The following CHGB variants were observed in gnomAD, a reference collection of about 807,000 sequenced individuals.
The protein encoded by CHGB is chromogranin B, also known as secretogranin-1.
CHGB carries 46 observed loss-of-function variants against 69.9 expected under a neutral mutation model. The ratio of observed to expected loss-of-function variants is 0.66; its 90% confidence interval spans 0.52 to 0.84. The LOEUF is 0.84. CHGB is among the 40% of genes least tolerant of loss of function. The pLI is 0.00. For missense variants in CHGB, 796 were observed against 822.2 expected, an observed-to-expected ratio of 0.97 and a Z score of 0.39; for synonymous variants, 312 against 298.2, an observed-to-expected ratio of 1.05 and a Z score of -0.48.
At chr20:5,916,730 C>T in intron 2 of CHGB, 96 bp from the exon 3 acceptor site, 2 of 1,076,270 alleles carry the variant, frequency 1.9e-6, no homozygotes, top group Non-Finnish European at 1.4e-6. Context: ...CAGCCCAGGT[C>T]ACGTAATCAA....
Position 5,922,848 on chromosome 20 carries a change from G to T in CHGB, c.704G>T (p.Ser235Ile). Residue 235 changes from serine (S) to isoleucine (I), a missense_variant, in exon 4 of 5, where the codon AGT becomes ATT. Ser to Ile is a moderately radical substitution (Grantham distance 142). Coordinates refer to ENST00000378961, the MANE Select transcript of CHGB (RefSeq NM_001819.3). Reference protein sequence around the residue: ...SQEKTHSREKSSQESGEETGS... With the variant: ...SQEKTHSREKISQESGEETGS... ...GAGAAGACACATAGCCGAGAGAAGA[G>T]TAGCCAGGAGAGTGGAGAGGAGACA... The T allele has an allele frequency of 4.3e-6, 7 of 1,614,082 alleles. No homozygotes were observed. Among genetic ancestry groups the T allele is most frequent in the Non-Finnish European group, 5.1e-6 (6 of 1,180,000 alleles).
At position 5,925,040 on chromosome 20, in the gene CHGB, A is replaced by G. The variant is rs1479521653; in HGVS notation, c.2025A>G (p.Gln675=). ...AGAAGATAGCTGAGAAATTCAGCCA[A>G]AGGGGCTGACTGTCATTGGAGCGGT... ...ELQKIAEKFS[Q]RG Residue 675 remains glutamine, a synonymous_variant, in exon 5 of 5, where the codon CAA becomes CAG. Coordinates refer to ENST00000378961, the MANE Select transcript of CHGB (RefSeq NM_001819.3). 6.2e-7 allele frequency: 1 copy of G among 1,610,574 alleles called. No individual in the cohort carries two copies.
intron 3 of CHGB, among the ~76,000 whole-genome samples, chr20:5,918,442 A>G (rs188029590): frequency 9.2e-4 from 140 of 152,268 alleles, no homozygotes; most frequent in Middle Eastern, 3.4e-3. Flanking sequence ...TCTCGCTGCC[A>G]GACAAGACTC....
intron 3 of CHGB, among the ~76,000 whole-genome samples, chr20:5,918,148 T>TAAAAAAAAAAAAA (rs10647882): frequency 1.2e-5 from 1 of 86,084 alleles, no homozygotes; most frequent in African/African-American, 4.9e-5. Context: ...AGACTCCATC[T>TAAAAAAAAAAAAA]AAAAAAAAAA....
At chr20:5,915,967 C>A in intron 1 of CHGB, 1 of 165,542 alleles carries the variant, frequency 6.0e-6, no homozygotes. Flanking sequence ...CCAGCCTTGG[C>A]CTCCCAAAGT....
At position 5,923,187 on chromosome 20, in the gene CHGB, A is replaced by C. The variant is rs766960351; in HGVS notation, c.1043A>C (p.Tyr348Ser). The change falls in exon 4 of 5, where the codon TAT becomes TCT. Residue 348 changes from tyrosine (Y) to serine (S), a missense_variant. Coordinates refer to ENST00000378961, the MANE Select transcript of CHGB (RefSeq NM_001819.3). ...EPEYGEEIKG[Y>S]PGVQAPEDLE... ...GAATATGGAGAAGAAATAAAGGGTT[A>C]TCCAGGCGTCCAGGCCCCTGAGGAC... is the stretch of plus-strand genomic sequence containing the variant. The C allele has an allele frequency of 1.5e-5, 25 of 1,613,968 alleles. No homozygotes were observed. Among genetic ancestry groups the C allele is most frequent in the Admixed American group, 1.0e-4 (6 of 60,018 alleles).
intron 1 of CHGB, chr20:5,915,756 C>T (rs145924646): frequency 0.019 from 2,859 of 152,150 alleles, 91 homozygotes; most frequent in African/African-American, 0.066. Context: ...GGAGTCTGGC[C>T]CTGTCACCCA....
Position 5,923,569 on chromosome 20 carries a change from T to C in CHGB, c.1425T>C (p.Gly475=). ...KELDRNYLNY[G]EEGAPGKWQQ... ...TGGACAGAAATTATCTCAACTACGGTGAGGAAGGAGCCCCAGGGAAGTGGC... is the reference window on the plus strand; with the variant it reads ...TGGACAGAAATTATCTCAACTACGGCGAGGAAGGAGCCCCAGGGAAGTGGC... Residue 475 remains glycine, a synonymous_variant, in exon 4 of 5, where the codon GGT becomes GGC. Transcript: ENST00000378961. 6.2e-7 allele frequency: 1 copy of C among 1,613,848 alleles called. No individual in the cohort carries two copies. The highest frequency in any genetic ancestry group is 1.7e-5 in the Admixed American group (1 of 59,998).
intron 3 of CHGB, among the ~76,000 whole-genome samples, chr20:5,920,971 AT>A (rs2088510438): frequency 6.6e-6 from 1 of 152,368 alleles, no homozygotes; most frequent in South Asian, 2.1e-4. Flanking sequence ...TTTTGCAAAT[AT>A]CATTTCAAAA....
Position 5,911,623 on chromosome 20 carries a change from C to G in CHGB, c.-11C>G. 1 of 1,517,376 alleles carries G rather than the reference C, an allele frequency of 6.6e-7. No individual in the cohort carries two copies. Among genetic ancestry groups the G allele is most frequent in the Non-Finnish European group, 8.8e-7 (1 of 1,137,722 alleles). The allele number at this position is 1,517,376 out of a possible 1,614,324, so 94.0% of individuals were successfully genotyped here. On this transcript the variant is annotated 5_prime_UTR_variant, in exon 1 of 5. Coordinates refer to ENST00000378961, the MANE Select transcript of CHGB (RefSeq NM_001819.3). ...ATCTTCCTTTCCGCACAGGGGCCGC[C>G]GAGCGGGGCCATGCAGCCAACGCTG...
rs753606170 is a variant in CHGB, at chr20:5,922,636, TGAG to T, written c.506_508del (p.Glu169del). On this transcript the variant is annotated inframe_deletion, in exon 4 of 5. Coordinates refer to ENST00000378961, the MANE Select transcript of CHGB (RefSeq NM_001819.3). ...ATTCTGAGAAGAGCCAGAGAGAGGA[TGAG>T]GAGGAGGAGGAGGGAGAGAACTATC... 71 of 1,611,248 alleles carry T rather than the reference TGAG, an allele frequency of 4.4e-5. No individual in the cohort carries two copies. The East Asian group carries it at 7.1e-4, about 16-fold the overall frequency.
intron 4 of CHGB, among the ~76,000 whole-genome samples, chr20:5,924,308 G>A (rs989123016): frequency 3.9e-5 from 6 of 152,196 alleles, no homozygotes; most frequent in Admixed American, 3.3e-4. Context: ...TCACTCGGTT[G>A]CATTGCTTCT....
Position 5,925,142 on chromosome 20 carries a change from G to C in CHGB, c.*93G>C. On this transcript the variant is annotated 3_prime_UTR_variant, in exon 5 of 5. Coordinates refer to ENST00000378961, the MANE Select transcript of CHGB (RefSeq NM_001819.3). ...GAAAGACACCATTTATCTACCCAAG[G>C]GCAGAAAGTAGAACTTACTATTCAT... 1.3e-6 allele frequency: 1 copy of C among 749,026 alleles called. No individual in the cohort carries two copies. The highest frequency in any genetic ancestry group is 2.2e-6 in the Non-Finnish European group (1 of 445,604). 46.4% of individuals were successfully genotyped at this position (749,026 alleles called of 1,614,324 possible). A position where few individuals can be genotyped will look rare whatever the true frequency, so the allele number is the denominator to read the frequency against.
chr20:5,920,645 C>T lies in CHGB; in HGVS notation c.191-1690C>T, dbSNP rs78681046. Among the ~76,000 whole-genome samples the T allele has an allele frequency of 5.9e-3, 899 of 152,348 alleles. 8 individuals are homozygous for T. Among genetic ancestry groups the T allele is most frequent in the African/African-American group, 0.021 (853 of 41,592 alleles). On this transcript the variant is annotated intron_variant, in intron 3 of 4. Coordinates refer to ENST00000378961, the MANE Select transcript of CHGB (RefSeq NM_001819.3). Reference sequence around the variant, plus strand: ...AGGCCCCCACCTCCACGTGCTATCACATTGAGGATTAGGGCTTCAACATTT... The same window carrying T: ...AGGCCCCCACCTCCACGTGCTATCATATTGAGGATTAGGGCTTCAACATTT...
rs1306388011 is a variant in CHGB, at chr20:5,911,545, G to C, written c.-89G>C. On this transcript the variant is annotated 5_prime_UTR_variant, in exon 1 of 5. Coordinates refer to ENST00000378961, the MANE Select transcript of CHGB (RefSeq NM_001819.3). The stretch of plus-strand genomic sequence containing the variant: ...GACCAGGAGGCACGCTGGTTTTCCG[G>C]GGCCGCTCCATCGCGCCTTCCTCCT... 3.6e-6 allele frequency: 5 copies of C among 1,390,682 alleles called. No homozygotes were observed. In the East Asian group the frequency reaches 1.1e-4, roughly 31 times the overall value. 86.1% of individuals were successfully genotyped at this position (1,390,682 alleles called of 1,614,324 possible).
chr20:5,918,153 A>AC (rs2122570882), intron 3 of CHGB, among the ~76,000 whole-genome samples: 1 of 128,994 alleles, frequency 7.8e-6, no homozygotes, highest in East Asian at 2.7e-4. Context: ...CCATCTAAAA[A>AC]AAAAAAAAAA....
In CHGB at chr20:5,916,345, G is replaced by A; in HGVS notation, c.69G>A (p.Val23=). Residue 23 remains valine (V), a synonymous_variant, in exon 2 of 5, where the codon GTG becomes GTA. Transcript: ENST00000378961. ...TCAAAGCTGTCAATTCCATGCCAGT[G>A]GATAACAGGAACCACAATGAAGGAA... is the stretch of plus-strand genomic sequence containing the variant. ...VGLAAVNSMP[V]DNRNHNEGMV... 6.2e-7 allele frequency: 1 copy of A among 1,613,590 alleles called. No homozygotes were observed. Among genetic ancestry groups the A allele is most frequent in the Non-Finnish European group, 8.5e-7 (1 of 1,179,696 alleles).
chr20:5,919,193 G>C (rs891911575), intron 3 of CHGB, among the ~76,000 whole-genome samples: 1 of 152,190 alleles, frequency 6.6e-6, no homozygotes, highest in African/African-American at 2.4e-5. Context: ...GCCTATGCCT[G>C]CCTGCCAAGA....
chr20:5,916,468 A>C, intron 2 of CHGB, 96 bp downstream of exon 2: 1 of 1,089,574 alleles, frequency 9.2e-7, no homozygotes, highest in Non-Finnish European at 1.4e-6. Context: ...GCATGACATA[A>C]TCTTACAAAG....
Sources: allele counts gnomAD v4.1 joint callset (sites outside exome capture counted in the v4.1 genomes callset), GRCh38; gene constraint gnomAD v4.1.1; transcripts MANE v1.5; gene names NCBI Gene and HGNC (gene_info 2026-07-23, HGNC 2026-07-21).